CTNNA2: variants seen among roughly 807,000 people sequenced by gnomAD.
The protein encoded by CTNNA2 is catenin alpha-2.
CTNNA2 carries 42 observed loss-of-function variants against 101.0 expected under a neutral mutation model. The ratio of observed to expected loss-of-function variants is 0.42; its 90% CI spans 0.32 to 0.54. The LOEUF (loss-of-function observed/expected upper bound fraction) is 0.54. Ranked by LOEUF, CTNNA2 falls within the 20% of genes least tolerant of loss-of-function variation. The pLI, the probability that CTNNA2 is intolerant of heterozygous loss-of-function variation, is 0.14. For missense variants in CTNNA2, 871 were observed against 1,223.1 expected (o/e 0.71, Z 4.29); for synonymous variants, 450 against 456.4 (o/e 0.99, Z 0.18).
intron 9 of CTNNA2, among the ~76,000 whole-genome samples, chr2:80,430,215 C>T (rs1681366025): frequency 1.3e-5 from 2 of 152,118 alleles, no homozygotes; most frequent in South Asian, 4.1e-4. Flanking sequence ...AGTACCCTTA[C>T]AAAGAAATAT....
chr2:80,565,488 C>A (rs1225020778), intron 12 of CTNNA2, among the ~76,000 whole-genome samples: 5 of 151,734 alleles, frequency 3.3e-5, no homozygotes, highest in Admixed American at 1.3e-4. Context: ...AGATTCAGCA[C>A]TAATTGGTGT....
intron 7 of CTNNA2, among the ~76,000 whole-genome samples, chr2:80,282,409 T>G (rs1478239253): frequency 2.0e-5 from 3 of 152,144 alleles, no homozygotes; most frequent in African/African-American, 7.2e-5. Context: ...GCCTCTCAAG[T>G]GAAATGTCTC....
At chr2:80,197,393 G>C (rs1317584363) in intron 7 of CTNNA2, among the ~76,000 whole-genome samples, 2 of 152,090 alleles carry the variant, frequency 1.3e-5, no homozygotes, top group African/African-American at 2.4e-5. Flanking sequence ...AATAATTATT[G>C]TTTATTGCAG....
At chr2:80,574,080 G>C in intron 12 of CTNNA2, 83 bp from the exon 13 acceptor site, 1 of 1,443,654 alleles carries the variant, frequency 6.9e-7, no homozygotes, top group Non-Finnish European at 9.6e-7. Context: ...AATGCCCGAG[G>C]ACCTGCCACT....
intron 1 of CTNNA2, among the ~76,000 whole-genome samples, chr2:79,567,027 CAT>C (rs912249266): frequency 6.6e-6 from 1 of 152,048 alleles, no homozygotes; most frequent in African/African-American, 2.4e-5. Flanking sequence ...TTTGGGTAAA[CAT>C]ATAGAGAAAG....
At chr2:79,756,894 T>TA (rs1444339535) in intron 3 of CTNNA2, among the ~76,000 whole-genome samples, 1 of 152,188 alleles carries the variant, frequency 6.6e-6, no homozygotes, top group Admixed American at 6.5e-5. Flanking sequence ...CTAGAATCAC[T>TA]AAAATCTCCA....
chr2:79,504,680 C>T lies in CTNNA2; in HGVS notation c.-134-374C>T, dbSNP rs567381474. ...TGGCATATAAGTCATAAGATTTTGC[C>T]TATTCCACTTTTGGGGACAATGTGA... is the stretch of plus-strand genomic sequence containing the variant. On this transcript the variant is annotated intron_variant, in intron 4 of 21. Transcript: ENST00000466387. 7.2e-5 allele frequency among the ~76,000 whole-genome samples: 11 copies of T among 152,248 alleles called. No homozygotes were observed. The East Asian group carries it at 2.1e-3, about 29-fold the overall frequency.
chr2:80,330,288 G>A (rs948174584), intron 7 of CTNNA2, among the ~76,000 whole-genome samples: 17 of 152,306 alleles, frequency 1.1e-4, no homozygotes, highest in Middle Eastern at 3.4e-3. Context: ...CCTGCTGAGC[G>A]TCAATTACAT....
chr2:80,123,569 T>G (rs1464365150), intron 7 of CTNNA2, among the ~76,000 whole-genome samples: 1 of 152,204 alleles, frequency 6.6e-6, no homozygotes, highest in East Asian at 1.9e-4. Context: ...AAAATATTAC[T>G]TCTGAAGGTC....
At chr2:79,578,135 C>T (rs1406747512) in intron 1 of CTNNA2, among the ~76,000 whole-genome samples, 1 of 152,092 alleles carries the variant, frequency 6.6e-6, no homozygotes, top group Non-Finnish European at 1.5e-5. Context: ...TTCATAGCAA[C>T]ATCTAACTGG....
chr2:80,335,215 G>A (rs1671670369), intron 7 of CTNNA2, among the ~76,000 whole-genome samples: 1 of 152,216 alleles, frequency 6.6e-6, no homozygotes, highest in South Asian at 2.1e-4. Context: ...AAAGGATGTG[G>A]AGGGTCTTAA....
intron 4 of CTNNA2, among the ~76,000 whole-genome samples, chr2:79,466,960 A>T (rs1670943808): frequency 6.6e-6 from 1 of 152,208 alleles, no homozygotes; most frequent in Non-Finnish European, 1.5e-5. Context: ...AATTCTAAAA[A>T]TCAGAGCGCC....
chr2:79,777,794 G>A (rs1460118071), intron 3 of CTNNA2, among the ~76,000 whole-genome samples: 2 of 151,914 alleles, frequency 1.3e-5, no homozygotes. Flanking sequence ...CTCCAAATGA[G>A]CTAGTGGCAA....
At chr2:79,651,126 A>G (rs1681216886) in intron 1 of CTNNA2, among the ~76,000 whole-genome samples, 1 of 152,166 alleles carries the variant, frequency 6.6e-6, no homozygotes, top group Admixed American at 6.5e-5. Flanking sequence ...TCAGGGATCT[A>G]GAACTCTCTG....
At chr2:79,434,425 A>G (rs1309713112) in intron 4 of CTNNA2, among the ~76,000 whole-genome samples, 1 of 152,198 alleles carries the variant, frequency 6.6e-6, no homozygotes, top group Non-Finnish European at 1.5e-5. Context: ...CGGAGGATGA[A>G]AATGTTCACA....
chr2:79,414,771 G>A (rs1573155250), intron 4 of CTNNA2, among the ~76,000 whole-genome samples: 2 of 152,126 alleles, frequency 1.3e-5, no homozygotes, highest in East Asian at 3.9e-4. Context: ...CACACAGAAA[G>A]GGAGGCCCAG....
At chr2:80,409,088 C>G (rs141364400) in intron 8 of CTNNA2, among the ~76,000 whole-genome samples, 4 of 152,240 alleles carry the variant, frequency 2.6e-5, no homozygotes, top group African/African-American at 9.6e-5. Flanking sequence ...CTTCCAAATA[C>G]GCAGAAAAGT....
intron 2 of CTNNA2, among the ~76,000 whole-genome samples, chr2:79,707,403 G>T (rs183231230): frequency 4.8e-4 from 73 of 152,292 alleles, no homozygotes; most frequent in African/African-American, 1.8e-3. Flanking sequence ...GTGAGTCCCT[G>T]TGTGTACAGA....
chr2:79,735,373 A>G (rs1297504908), intron 2 of CTNNA2, among the ~76,000 whole-genome samples: 2 of 152,158 alleles, frequency 1.3e-5, no homozygotes, highest in African/African-American at 4.8e-5. Context: ...AAATGAGTTC[A>G]AATCACATCT....
Sources: gnomAD v4.1 joint callset for allele counts (sites outside exome capture counted in the v4.1 genomes callset) on GRCh38, gnomAD v4.1.1 for gene constraint, MANE v1.5 for transcripts, NCBI Gene and HGNC (gene_info 2026-07-23, HGNC 2026-07-21) for gene names.